The following SPAG1 variants were observed in gnomAD, a reference collection of about 807,000 sequenced individuals.
SPAG1 encodes sperm associated antigen 1.
Under a neutral mutation model 100.5 loss-of-function variants are expected in SPAG1, and 69 were observed. That is an observed-to-expected ratio of 0.69 (90% confidence interval 0.57 to 0.84). The LOEUF (loss-of-function observed/expected upper bound fraction) is 0.84, where lower values mean the gene tolerates loss of function less well. Ranked by LOEUF, SPAG1 falls within the 40% of genes least tolerant of loss-of-function variation. The probability of loss-of-function intolerance (pLI) is 0.00; values close to 1 mark genes in which losing one functional copy is unlikely to be tolerated. For synonymous variants in SPAG1, 336 were observed against 411.6 expected, an observed-to-expected ratio of 0.82 and a Z score of 2.22; for missense variants, 955 against 1,133.1, an observed-to-expected ratio of 0.84 and a Z score of 2.26.
intron 10 of SPAG1, among the ~76,000 whole-genome samples, chr8:100,210,560 T>G (rs1237903201): frequency 6.6e-6 from 1 of 152,224 alleles, no homozygotes; most frequent in Non-Finnish European, 1.5e-5. Flanking sequence ...GCGCTCCTGT[T>G]TTTTTCTCTC....
intron 10 of SPAG1, among the ~76,000 whole-genome samples, chr8:100,203,124 A>C (rs778820453): frequency 1.3e-5 from 2 of 152,206 alleles, no homozygotes; most frequent in Non-Finnish European, 2.9e-5. Context: ...AGCAAATATA[A>C]GCAGGCAGAA....
At chr8:100,215,724 C>CTA (rs1187821570) in intron 12 of SPAG1, among the ~76,000 whole-genome samples, 1 of 152,134 alleles carries the variant, frequency 6.6e-6, no homozygotes, top group Non-Finnish European at 1.5e-5. Context: ...CGGGGTTTCA[C>CTA]AGTGTTAGCC....
At chr8:100,187,278 AT>A in intron 8 of SPAG1, 28 bp downstream of exon 8, 1 of 1,570,402 alleles carries the variant, frequency 6.4e-7, no homozygotes, top group Non-Finnish European at 8.7e-7. Context: ...ATTCTTTTAC[AT>A]TTACAGCAGG....
At chr8:100,198,033 A>G (rs1265794153) in intron 10 of SPAG1, among the ~76,000 whole-genome samples, 14 of 152,174 alleles carry the variant, frequency 9.2e-5, no homozygotes, top group South Asian at 6.2e-4. Flanking sequence ...GGCCATTACC[A>G]TACAGCTGTA....
chr8:100,188,624 G>T (rs1229816359), intron 8 of SPAG1, among the ~76,000 whole-genome samples: 2 of 152,154 alleles, frequency 1.3e-5, no homozygotes, highest in Non-Finnish European at 2.9e-5. Context: ...ATGCAAATCA[G>T]ACTCTATTCT....
intron 10 of SPAG1, among the ~76,000 whole-genome samples, chr8:100,207,359 G>A (rs374849443): frequency 2.5e-3 from 386 of 152,282 alleles, no homozygotes; most frequent in African/African-American, 8.6e-3. Context: ...AGCCTGCACC[G>A]ATGGCCTCCT....
chr8:100,213,189 C>G lies in SPAG1; in HGVS notation c.1196C>G (p.Pro399Arg). 6.8e-7 allele frequency: 1 copy of G among 1,466,224 alleles called. No individual in the cohort carries two copies. Among genetic ancestry groups the G allele is most frequent in the Non-Finnish European group, 9.0e-7 (1 of 1,114,446 alleles). 90.8% of individuals were successfully genotyped at this position (1,466,224 alleles called of 1,614,324 possible). A position where few individuals can be genotyped will look rare whatever the true frequency, so the allele number is the denominator to read the frequency against. ...GGCAAAGCCGAAGGCGGCAAGCGGC[C>G]GGCAAGGGGCGCGCCGCAGCGGGGC... ...LTGKAEGGKRPARGAPQRGQT... is the reference protein window; with the variant it reads ...LTGKAEGGKRRARGAPQRGQT... Residue 399 changes from proline to arginine, a missense_variant, in exon 11 of 19, where the codon CCG (proline) becomes CGG (arginine). Transcript: ENST00000388798.
intron 13 of SPAG1, among the ~76,000 whole-genome samples, chr8:100,221,371 A>G (rs1818271515): frequency 6.6e-6 from 1 of 152,162 alleles, no homozygotes; most frequent in Admixed American, 6.5e-5. Context: ...GTTATGACCT[A>G]TTTACCCCCA....
chr8:100,240,126 A>G (rs1183026677), intron 17 of SPAG1, among the ~76,000 whole-genome samples: 2 of 152,218 alleles, frequency 1.3e-5, no homozygotes, highest in Non-Finnish European at 2.9e-5. Flanking sequence ...AGGAGATAAA[A>G]TTGACATAGG....
At chr8:100,170,934 A>T (rs1306497635) in intron 3 of SPAG1, among the ~76,000 whole-genome samples, 1 of 152,012 alleles carries the variant, frequency 6.6e-6, no homozygotes, top group Admixed American at 6.6e-5. Flanking sequence ...TCCCAGTCTT[A>T]CAGGGAAATC....
intron 3 of SPAG1, among the ~76,000 whole-genome samples, chr8:100,167,490 A>T (rs1441174147): frequency 1.3e-5 from 2 of 152,218 alleles, no homozygotes; most frequent in African/African-American, 4.8e-5. Flanking sequence ...CTTTCTCTCA[A>T]AATATCTTAC....
intron 4 of SPAG1, among the ~76,000 whole-genome samples, chr8:100,181,507 A>G (rs1189900831): frequency 6.6e-6 from 1 of 152,256 alleles, no homozygotes; most frequent in East Asian, 1.9e-4. Flanking sequence ...AGTGGTTGGC[A>G]TAAAACAACA....
At chr8:100,227,841 ATTT>A (rs34049816) in intron 14 of SPAG1, among the ~76,000 whole-genome samples, 104 of 103,770 alleles carry the variant, frequency 1.0e-3, no homozygotes, top group African/African-American at 3.9e-3. Flanking sequence ...ATTGTGTCAG[ATTT>A]TTTTTTTTTT....
chr8:100,215,626 C>T (rs182143211), intron 12 of SPAG1, among the ~76,000 whole-genome samples: 5 of 152,200 alleles, frequency 3.3e-5, no homozygotes, highest in Non-Finnish European at 7.3e-5. Context: ...CTGGGTTCAC[C>T]CCATTCTCCT....
rs1033111395 is a variant in SPAG1 at position 100,194,127 on chromosome 8, G to A, written c.955G>A (p.Val319Ile). 6.4e-7 allele frequency: 1 copy of A among 1,571,070 alleles called. No individual in the cohort carries two copies. The highest frequency in any genetic ancestry group is 1.4e-5 in the African/African-American group (1 of 73,078). Reference sequence around the variant, plus strand: ...TATGTTGCAGAAAACCTTGTCAGAGGTTGAAAGAGATCTGAAAAATTCTGA... The same window carrying A: ...TATGTTGCAGAAAACCTTGTCAGAGATTGAAAGAGATCTGAAAAATTCTGA... ...NDLAKKTLSE[V>I]ERDLKNSEAA... Residue 319 changes from valine to isoleucine, a missense_variant, in exon 10 of 19, where the codon GTT becomes ATT. Physicochemically the swap from Val to Ile is conservative, Grantham distance 29. Transcript: ENST00000388798.
At chr8:100,183,890 T>C in intron 5 of SPAG1, 66 bp from the exon 6 acceptor site, 6 of 747,654 alleles carry the variant, frequency 8.0e-6, no homozygotes, top group Non-Finnish European at 1.4e-5. Flanking sequence ...TATAAGAATA[T>C]CAATGATAAA....
At chr8:100,221,085 T>A (rs1586521938) in intron 13 of SPAG1, among the ~76,000 whole-genome samples, 1 of 151,076 alleles carries the variant, frequency 6.6e-6, no homozygotes, top group African/African-American at 2.4e-5. Flanking sequence ...AAAAAAAAAA[T>A]TAAAATAAAA....
intron 16 of SPAG1, among the ~76,000 whole-genome samples, chr8:100,236,244 AGC>A: frequency 6.6e-6 from 1 of 152,332 alleles, no homozygotes; most frequent in East Asian, 1.9e-4. Context: ...TGAGGCTGGT[AGC>A]TTATAGCTTG....
At chr8:100,226,511 G>A (rs184596614) in intron 14 of SPAG1, among the ~76,000 whole-genome samples, 300 of 152,104 alleles carry the variant, frequency 2.0e-3, no homozygotes, top group African/African-American at 6.7e-3. Context: ...AAGACCAGCC[G>A]GGGCAATATG....
Sources: allele counts gnomAD v4.1 joint callset (sites outside exome capture counted in the v4.1 genomes callset), GRCh38; gene constraint gnomAD v4.1.1; transcripts MANE v1.5; gene names NCBI Gene and HGNC (gene_info 2026-07-23, HGNC 2026-07-21).